The following SPATA3 variants were observed in gnomAD, a reference collection of about 807,000 sequenced individuals.
SPATA3 encodes spermatogenesis-associated protein 3.
In SPATA3, 6 loss-of-function variants were observed where a neutral mutation model predicts 5.7. The observed-to-expected ratio is 1.06, with a 90% CI of 0.58 to 2.09. The LOEUF (loss-of-function observed/expected upper bound fraction) is 2.09, where lower values mean the gene tolerates loss of function less well. SPATA3 is among the 30% of genes most tolerant of loss of function. The probability of loss-of-function intolerance (pLI) is 0.00; values close to 1 mark genes in which losing one functional copy is unlikely to be tolerated. For synonymous variants in SPATA3, 44 were observed against 48.4 expected (o/e 0.91, Z 0.37); for missense variants, 155 against 130.4 (o/e 1.19, Z -0.92).
downstream of SPATA3, among the ~76,000 whole-genome samples, chr2:231,011,700 G>A (rs1692792862): frequency 6.6e-6 from 1 of 151,542 alleles, no homozygotes; most frequent in Admixed American, 6.6e-5. Context: ...AAACTGCCAG[G>A]TAAAGGCAGC....
intron 6 of SPATA3, among the ~76,000 whole-genome samples, chr2:231,017,406 G>A (rs1692961015): frequency 6.6e-6 from 1 of 152,338 alleles, no homozygotes. Flanking sequence ...TACATCCGGA[G>A]AGAGTGCCCA....
Position 231,000,380 on chromosome 2 carries a change from G to A in SPATA3, c.805G>A (p.Ala269Thr), listed in dbSNP as rs748982611. Residue 269 changes from alanine to threonine, a missense_variant, in exon 2 of 3, where the codon GCC becomes ACC. By Grantham distance (58) the Ala-to-Thr change is moderately conservative. Coordinates refer to ENST00000645363, the Ensembl canonical transcript of SPATA3. ...TGTCCCCACAGGGCCTCTGATTCGC[G>A]CCGGCCCGCATTCCTGCTCCTGTGC... 276 of 1,515,088 alleles carry A rather than the reference G, an allele frequency of 1.8e-4. No homozygotes were observed. The highest frequency in any genetic ancestry group is 5.2e-5 in the Non-Finnish European group (58 of 1,124,998). The allele number at this position is 1,515,088 out of a possible 1,614,324, so 93.9% of individuals were successfully genotyped here.
intron 6 of SPATA3, among the ~76,000 whole-genome samples, chr2:231,014,734 G>A (rs966643574): frequency 6.6e-6 from 1 of 152,122 alleles, no homozygotes; most frequent in African/African-American, 2.4e-5. Context: ...AGCACTGGGA[G>A]GACTGTGTGT....
At chr2:231,002,169 T>C (rs1174817949) in intron 2 of SPATA3, among the ~76,000 whole-genome samples, 3 of 152,246 alleles carry the variant, frequency 2.0e-5, no homozygotes, top group Admixed American at 6.5e-5. Flanking sequence ...CACATTCACA[T>C]TAAACAAGAA....
At position 231,000,562 on chromosome 2, in the gene SPATA3, C is replaced by A. The variant is rs1692312425; in HGVS notation, c.962+25C>A. The A allele has an allele frequency of 2.7e-6, 4 of 1,476,546 alleles. No homozygotes were observed. In the South Asian group the frequency reaches 5.4e-5, roughly 20 times the overall value. 91.5% of individuals were successfully genotyped at this position (1,476,546 alleles called of 1,614,324 possible). ...GGTTCCAAGCGCGAGGGGCTGGAGC[C>A]TCGGGGCACACAGTCCCCAGGGCCA... On this transcript the variant is annotated intron_variant, in intron 2 of 2. Transcript: ENST00000645363.
chr2:231,017,548 TG>T (rs1692964070), intron 6 of SPATA3, among the ~76,000 whole-genome samples: 1 of 152,244 alleles, frequency 6.6e-6, no homozygotes, highest in African/African-American at 2.4e-5. Context: ...TGAGGCCATG[TG>T]GGGGCCACCT....
chr2:231,012,099 G>A (rs1692803319), downstream of SPATA3, among the ~76,000 whole-genome samples: 1 of 152,222 alleles, frequency 6.6e-6, no homozygotes, highest in African/African-American at 2.4e-5. Context: ...GGAGTCTGGA[G>A]GAAAGGAGGT....
intron 1 of SPATA3, chr2:230,996,356 T>G (rs61738380): frequency 5.2e-6 from 3 of 571,920 alleles, no homozygotes; most frequent in Non-Finnish European, 7.5e-6. Flanking sequence ...AGCAGCCTAG[T>G]CCTGAATCCA....
At chr2:231,010,554 T>G (rs1240236710), downstream of SPATA3, among the ~76,000 whole-genome samples, 1 of 152,190 alleles carries the variant, frequency 6.6e-6, no homozygotes, top group Non-Finnish European at 1.5e-5. Flanking sequence ...TGACTAGCTC[T>G]GGGGAGAATG....
chr2:231,019,423 A>C (rs996699887), intron 6 of SPATA3, among the ~76,000 whole-genome samples: 6 of 141,652 alleles, frequency 4.2e-5, no homozygotes, highest in Non-Finnish European at 6.3e-5. Context: ...TCCCGGGTTC[A>C]CACCATTCTC....
chr2:231,019,040 C>T (rs1693007488), intron 6 of SPATA3, among the ~76,000 whole-genome samples: 1 of 147,142 alleles, frequency 6.8e-6, no homozygotes, highest in Non-Finnish European at 1.5e-5. Flanking sequence ...GATCTCGGCT[C>T]ACTGCAAGCT....
chr2:231,015,147 A>G (rs1365008265), intron 6 of SPATA3, among the ~76,000 whole-genome samples: 2 of 151,986 alleles, frequency 1.3e-5, no homozygotes, highest in African/African-American at 2.4e-5. Flanking sequence ...GAGCACCAGC[A>G]AACCCTACAG....
At chr2:231,016,654 C>T (rs1692947458) in intron 6 of SPATA3, among the ~76,000 whole-genome samples, 1 of 151,774 alleles carries the variant, frequency 6.6e-6, no homozygotes, top group African/African-American at 2.4e-5. Context: ...CACTGCCCTC[C>T]AGCTTGGGCA....
At chr2:231,008,138 G>A (rs1348733992), downstream of SPATA3, among the ~76,000 whole-genome samples, 1 of 152,214 alleles carries the variant, frequency 6.6e-6, no homozygotes, top group Non-Finnish European at 1.5e-5. Flanking sequence ...ATGGGAGAAT[G>A]GAGAACACAC....
downstream of SPATA3, chr2:231,002,795 T>G: frequency 6.8e-7 from 1 of 1,481,194 alleles, no homozygotes. Context: ...ACTGAATCCT[T>G]GTGAACAAGC....
At chr2:231,016,522 A>AAAG (rs1229763365) in intron 6 of SPATA3, among the ~76,000 whole-genome samples, 5 of 144,870 alleles carry the variant, frequency 3.5e-5, no homozygotes, top group Non-Finnish European at 6.0e-5. Context: ...AAAAAAAAAA[A>AAAG]AAGAAGAAGA....
At chr2:231,016,506 C>CAAAAA (rs749712082) in intron 6 of SPATA3, among the ~76,000 whole-genome samples, 11 of 70,046 alleles carry the variant, frequency 1.6e-4, no homozygotes, top group South Asian at 4.1e-4. Context: ...CCTGTCTCTA[C>CAAAAA]AAAAAAAAAA....
intron 1 of SPATA3, among the ~76,000 whole-genome samples, chr2:230,998,481 C>T (rs1225619448): frequency 6.6e-6 from 1 of 152,102 alleles, no homozygotes; most frequent in African/African-American, 2.4e-5. Context: ...AGAATTTGGC[C>T]CATTGAACAG....
At chr2:231,003,574 A>T (rs1190058055), downstream of SPATA3, among the ~76,000 whole-genome samples, 2 of 152,116 alleles carry the variant, frequency 1.3e-5, no homozygotes, top group East Asian at 1.9e-4. Flanking sequence ...CAGAGGGGAG[A>T]GACTTGCCCT....
Sources: gnomAD v4.1 joint callset for allele counts (sites outside exome capture counted in the v4.1 genomes callset) on GRCh38, gnomAD v4.1.1 for gene constraint, MANE v1.5 for transcripts, NCBI Gene and HGNC (gene_info 2026-07-23, HGNC 2026-07-21) for gene names.